DPP10: variants seen among roughly 807,000 people sequenced by gnomAD.
The protein encoded by DPP10 is dipeptidyl peptidase like 10, also known as inactive dipeptidyl peptidase 10.
DPP10 carries 33 observed loss-of-function variants against 120.9 expected under a neutral mutation model. The ratio of observed to expected loss-of-function variants is 0.27; its 90% CI spans 0.21 to 0.37. The LOEUF is 0.37. Among genes scored for constraint, DPP10 ranks in the 10% least tolerant of loss-of-function variants. The probability of loss-of-function intolerance (pLI) is 1.00; values close to 1 mark genes in which losing one functional copy is unlikely to be tolerated. For missense variants in DPP10, 816 were observed against 942.8 expected (o/e 0.87, Z 1.76); for synonymous variants, 337 against 326.1 (o/e 1.03, Z -0.36).
At chr2:114,663,671 A>ATATATATATATATG (rs1341152871) in intron 1 of DPP10, among the ~76,000 whole-genome samples, 1 of 139,914 alleles carries the variant, frequency 7.1e-6, no homozygotes, top group African/African-American at 2.7e-5. Flanking sequence ...ATATATATAG[A>ATATATATATATATG]GAGAGAGAGA....
intron 1 of DPP10, among the ~76,000 whole-genome samples, chr2:114,459,064 A>G (rs1678728744): frequency 6.6e-6 from 1 of 152,222 alleles, no homozygotes; most frequent in South Asian, 2.1e-4. Context: ...ATATAGGCAA[A>G]TTGCTACAAT....
intron 1 of DPP10, among the ~76,000 whole-genome samples, chr2:115,017,908 C>T (rs539456766): frequency 8.6e-5 from 13 of 151,306 alleles, no homozygotes; most frequent in African/African-American, 2.4e-4. Flanking sequence ...ATGTAAATGA[C>T]GAGTTAATAG....
intron 1 of DPP10, among the ~76,000 whole-genome samples, chr2:114,600,735 C>T (rs1341023351): frequency 6.6e-6 from 1 of 151,846 alleles, no homozygotes; most frequent in Non-Finnish European, 1.5e-5. Context: ...ATAGAAACCT[C>T]AGCTCTTATG....
At chr2:115,653,820 C>T (rs1325534736) in intron 5 of DPP10, among the ~76,000 whole-genome samples, 1 of 151,792 alleles carries the variant, frequency 6.6e-6, no homozygotes, top group Non-Finnish European at 1.5e-5. Flanking sequence ...TTTGGCCAAT[C>T]CCTGTAGAGG....
intron 3 of DPP10, among the ~76,000 whole-genome samples, chr2:115,417,799 T>G (rs1297846173): frequency 1.3e-5 from 2 of 152,204 alleles, no homozygotes; most frequent in Non-Finnish European, 2.9e-5. Context: ...ATTTTTCAGT[T>G]AAAACATTTG....
chr2:114,571,452 T>C (rs886475676), intron 1 of DPP10, among the ~76,000 whole-genome samples: 4 of 152,130 alleles, frequency 2.6e-5, no homozygotes, highest in Admixed American at 2.6e-4. Flanking sequence ...GTGAGCCAAT[T>C]AAACCTCTTT....
chr2:115,079,972 A>G (rs1343640248), intron 1 of DPP10, among the ~76,000 whole-genome samples: 2 of 152,322 alleles, frequency 1.3e-5, no homozygotes, highest in East Asian at 3.9e-4. Context: ...GGGATTGACC[A>G]TAGAAGGAAG....
chr2:115,254,776 G>C lies in DPP10; in HGVS notation c.61-54463G>C, dbSNP rs187737681. Among the ~76,000 whole-genome samples the C allele has an allele frequency of 3.7e-4, 57 of 152,294 alleles. 1 individual carries two copies. The highest frequency in any genetic ancestry group is 3.4e-3 in the Middle Eastern group (1 of 294). ...AATAGGGTAGTCATTAAACCTTAAAGTTCCAAAATTATCTCCTTTGACTCC... is the reference window on the plus strand; with the variant it reads ...AATAGGGTAGTCATTAAACCTTAAACTTCCAAAATTATCTCCTTTGACTCC... On this transcript the variant is annotated intron_variant, in intron 1 of 25. Transcript: ENST00000410059.
intron 5 of DPP10, among the ~76,000 whole-genome samples, chr2:115,540,798 T>G (rs2079129252): frequency 6.6e-6 from 1 of 151,896 alleles, no homozygotes; most frequent in South Asian, 2.1e-4. Context: ...TTATTATTAC[T>G]TTTCTCTTCA....
chr2:115,133,694 C>T (rs575367511), intron 1 of DPP10, among the ~76,000 whole-genome samples: 6 of 152,260 alleles, frequency 3.9e-5, no homozygotes, highest in Non-Finnish European at 8.8e-5. Context: ...GCCTGCTTTA[C>T]TTCAAGGCCC....
chr2:115,111,005 AT>A (rs991856892), intron 1 of DPP10, among the ~76,000 whole-genome samples: 1 of 152,170 alleles, frequency 6.6e-6, no homozygotes, highest in Non-Finnish European at 1.5e-5. Flanking sequence ...TAAAAACGAC[AT>A]TTATGATTTC....
chr2:115,825,557 A>G (rs1688222190), intron 21 of DPP10, among the ~76,000 whole-genome samples: 1 of 152,138 alleles, frequency 6.6e-6, no homozygotes, highest in African/African-American at 2.4e-5. Context: ...TTTAATTTGG[A>G]ATTCCCTCTC....
chr2:115,083,734 C>T (rs535119622), intron 1 of DPP10, among the ~76,000 whole-genome samples: 1 of 152,338 alleles, frequency 6.6e-6, no homozygotes, highest in Admixed American at 6.5e-5. Context: ...TTTGCTACCA[C>T]AATTTTTGTC....
chr2:115,581,756 T>A (rs974460038), intron 5 of DPP10, among the ~76,000 whole-genome samples: 4 of 152,108 alleles, frequency 2.6e-5, no homozygotes, highest in Non-Finnish European at 5.9e-5. Context: ...CTGAATCTTA[T>A]AGTCCCCAAA....
chr2:115,667,195 T>C (rs2089521565), intron 5 of DPP10, among the ~76,000 whole-genome samples: 1 of 152,146 alleles, frequency 6.6e-6, no homozygotes, highest in African/African-American at 2.4e-5. Context: ...ATTTTTAATA[T>C]GGTTATTTGT....
chr2:115,500,056 T>A (rs554814055), intron 4 of DPP10, among the ~76,000 whole-genome samples: 2 of 152,094 alleles, frequency 1.3e-5, no homozygotes, highest in African/African-American at 4.8e-5. Context: ...GGTTGATGTG[T>A]TTTAGAATTT....
chr2:115,606,111 A>T (rs2083688584), intron 5 of DPP10, among the ~76,000 whole-genome samples: 1 of 152,280 alleles, frequency 6.6e-6, no homozygotes, highest in South Asian at 2.1e-4. Context: ...CATTTTTAAT[A>T]ACTAAAACAT....
intron 1 of DPP10, among the ~76,000 whole-genome samples, chr2:114,453,680 G>C (rs909645672): frequency 2.0e-5 from 3 of 152,118 alleles, no homozygotes; most frequent in African/African-American, 7.2e-5. Context: ...ACTGGGATGA[G>C]CAAGCACTCA....
At chr2:114,505,309 G>T (rs929744701) in intron 1 of DPP10, among the ~76,000 whole-genome samples, 10 of 152,050 alleles carry the variant, frequency 6.6e-5, no homozygotes, top group African/African-American at 2.4e-4. Flanking sequence ...GTAACTAACA[G>T]ATATATTGGG....
Sources: allele counts gnomAD v4.1 joint callset (sites outside exome capture counted in the v4.1 genomes callset), GRCh38; gene constraint gnomAD v4.1.1; transcripts MANE v1.5; gene names NCBI Gene and HGNC (gene_info 2026-07-23, HGNC 2026-07-21).